Variants in MLPH observed in about 807,000 individuals in gnomAD.
The protein encoded by MLPH is exophilin-3.
A neutral mutation model predicts 72.1 loss-of-function variants in MLPH; 51 were observed. The ratio of observed to expected loss-of-function variants is 0.71; its 90% CI spans 0.56 to 0.89. MLPH has a LOEUF of 0.89. Among genes scored for constraint, MLPH ranks in the 40% least tolerant of loss-of-function variants. MLPH has a pLI of 0.00. For missense variants in MLPH, 743 were observed against 759.9 expected (o/e 0.98, Z 0.26); for synonymous variants, 301 against 310.1 (o/e 0.97, Z 0.31).
rs1453562032 is a variant in MLPH at position 237,554,705 on chromosome 2, A to G, written c.*1113A>G. The G allele has an allele frequency of 6.6e-6, 1 of 152,186 alleles. No homozygotes were observed. Among genetic ancestry groups the G allele is most frequent in the Non-Finnish European group, 1.5e-5 (1 of 68,036 alleles). 9.4% of individuals were successfully genotyped at this position (152,186 alleles called of 1,614,324 possible). The stretch of plus-strand genomic sequence containing the variant: ...CTTCTTTTAGAATCAAACAGTAGAG[A>G]CAAGAGTCAAGCCTTGTGTCTTCAA... On this transcript the variant is annotated 3_prime_UTR_variant, in exon 16 of 16. Coordinates refer to ENST00000264605, the MANE Select transcript of MLPH (RefSeq NM_024101.7).
chr2:237,536,273 T>C (rs772385126), intron 9 of MLPH, among the ~76,000 whole-genome samples: 3 of 152,126 alleles, frequency 2.0e-5, no homozygotes, highest in Non-Finnish European at 4.4e-5. Context: ...CCAGCCCACA[T>C]GCCATGTGTC....
intron 14 of MLPH, 143 bp from the exon 15 acceptor site, chr2:237,552,193 TA>T: frequency 1.5e-6 from 1 of 662,404 alleles, no homozygotes. Context: ...AAATACTTTT[TA>T]AAAAATATGT....
intron 9 of MLPH, among the ~76,000 whole-genome samples, chr2:237,538,424 G>A (rs911307762): frequency 6.6e-6 from 1 of 152,232 alleles, no homozygotes; most frequent in East Asian, 1.9e-4. Flanking sequence ...GGGTTACAGG[G>A]GTGACAAGGT....
chr2:237,553,616 C>A lies in MLPH; in HGVS notation c.*24C>A, dbSNP rs1238118681. ...AACGGGACAGGACAGAGAGACAGAGCAGCCCTGCACTGTTTTCCCTCCACC... is the reference window on the plus strand; with the variant it reads ...AACGGGACAGGACAGAGAGACAGAGAAGCCCTGCACTGTTTTCCCTCCACC... On this transcript the variant is annotated 3_prime_UTR_variant, in exon 16 of 16. Coordinates refer to ENST00000264605, the MANE Select transcript of MLPH (RefSeq NM_024101.7). 1.2e-6 allele frequency: 2 copies of A among 1,614,104 alleles called. No homozygotes were observed. The highest frequency in any genetic ancestry group is 3.3e-5 in the Admixed American group (2 of 60,010).
intron 11 of MLPH, 71 bp from the exon 12 acceptor site, chr2:237,542,496 T>C: frequency 7.8e-7 from 1 of 1,281,226 alleles, no homozygotes; most frequent in South Asian, 1.3e-5. Context: ...AGCTGCTCTT[T>C]CTGTCCATGA....
chr2:237,493,218 GCATAGATTCA>G (rs2079463193), intron 1 of MLPH, among the ~76,000 whole-genome samples, 175 bp from the exon 2 acceptor site: 1 of 152,220 alleles, frequency 6.6e-6, no homozygotes, highest in Non-Finnish European at 1.5e-5. Flanking sequence ...TGGGAATTTT[GCATAGATTCA>G]CTTAAATTCA....
chr2:237,509,720 G>A (rs183077647), intron 2 of MLPH, among the ~76,000 whole-genome samples: 22 of 152,230 alleles, frequency 1.4e-4, no homozygotes, highest in Admixed American at 9.8e-4. Flanking sequence ...GAGGAAAATC[G>A]TGAAGTTCAG....
At chr2:237,490,651 T>C (rs2079411012) in intron 1 of MLPH, among the ~76,000 whole-genome samples, 1 of 152,192 alleles carries the variant, frequency 6.6e-6, no homozygotes, top group Non-Finnish European at 1.5e-5. Flanking sequence ...GAAAATAGAA[T>C]GTCGGTGAAT....
intron 2 of MLPH, among the ~76,000 whole-genome samples, chr2:237,508,869 A>G (rs529321811): frequency 2.0e-5 from 3 of 152,150 alleles, no homozygotes; most frequent in African/African-American, 7.2e-5. Flanking sequence ...CTTATGCCCC[A>G]TTCAGCACAC....
upstream of MLPH, chr2:237,486,810 C>T (rs1444270151): frequency 1.3e-5 from 2 of 152,262 alleles, no homozygotes; most frequent in Non-Finnish European, 2.9e-5. Context: ...TTGCCACTTA[C>T]TGGTCGGTGG....
At chr2:237,492,781 CAT>C (rs1307135616) in intron 1 of MLPH, among the ~76,000 whole-genome samples, 1 of 152,216 alleles carries the variant, frequency 6.6e-6, no homozygotes, top group Non-Finnish European at 1.5e-5. Flanking sequence ...CAAACACACA[CAT>C]GGCAAACCTA....
At chr2:237,552,036 C>A in intron 14 of MLPH, 1 of 310,756 alleles carries the variant, frequency 3.2e-6, no homozygotes, top group Non-Finnish European at 6.0e-6. Flanking sequence ...GCGAAGACCA[C>A]ACACCAGTGC....
At position 237,533,390 on chromosome 2, in the gene MLPH, CTTTTT is replaced by C. The variant is rs746139615; in HGVS notation, c.1021-1156_1021-1152del. 3.7e-5 allele frequency among the ~76,000 whole-genome samples: 4 copies of C among 108,008 alleles called. 1 individual carries two copies. The highest frequency in any genetic ancestry group is 7.3e-5 in the Non-Finnish European group (4 of 55,056). The allele number at this position is 108,008 out of a possible 152,430, so 70.9% of individuals were successfully genotyped here. A position where few individuals can be genotyped will look rare whatever the true frequency, so the allele number is the denominator to read the frequency against. On this transcript the variant is annotated intron_variant, in intron 8 of 15. Coordinates refer to ENST00000264605, the MANE Select transcript of MLPH (RefSeq NM_024101.7). ...GGAAGTCTCTTCTCTATTTTCTTTT[CTTTTT>C]TTTTTTTTTTTTTTTTTGTCAGAGT... is the stretch of plus-strand genomic sequence containing the variant.
intron 2 of MLPH, among the ~76,000 whole-genome samples, chr2:237,502,698 C>T (rs1477631298): frequency 1.3e-5 from 2 of 152,196 alleles, no homozygotes; most frequent in Non-Finnish European, 2.9e-5. Context: ...GGACTGCCAA[C>T]CTGCCCTGGA....
Position 237,524,436 on chromosome 2 carries a change from G to A in MLPH, c.676-1165G>A, listed in dbSNP as rs367564981. On this transcript the variant is annotated intron_variant, in intron 6 of 15. Transcript: ENST00000264605. ...TCCCAAACTGAAGAACTTGGAGTCC[G>A]ATGTTCGAGGGCAGGAAACATCCAG... is the stretch of plus-strand genomic sequence containing the variant. 4.1e-4 allele frequency among the ~76,000 whole-genome samples: 63 copies of A among 151,958 alleles called. No individual in the cohort carries two copies. The South Asian group carries it at 0.012, about 29-fold the overall frequency.
intron 5 of MLPH, among the ~76,000 whole-genome samples, chr2:237,519,087 G>T (rs891594545): frequency 2.7e-5 from 4 of 148,270 alleles, no homozygotes; most frequent in Admixed American, 6.6e-5. Context: ...TGTTTTGTTT[G>T]TTTTTTTTTG....
intron 2 of MLPH, among the ~76,000 whole-genome samples, chr2:237,509,628 C>T (rs563619972): frequency 6.6e-6 from 1 of 152,184 alleles, no homozygotes; most frequent in Non-Finnish European, 1.5e-5. Context: ...ACTGCTTGAC[C>T]CTTTTTCTCT....
chr2:237,499,962 T>C (rs2079612767), intron 2 of MLPH, among the ~76,000 whole-genome samples: 1 of 152,168 alleles, frequency 6.6e-6, no homozygotes. Context: ...TCCAGGCTTG[T>C]CTTGAACTCC....
At position 237,540,913 on chromosome 2, in the gene MLPH, A is replaced by G; in HGVS notation, c.1402A>G (p.Arg468Gly). 4 of 1,611,694 alleles carry G rather than the reference A, an allele frequency of 2.5e-6. No individual in the cohort carries two copies. The highest frequency in any genetic ancestry group is 3.4e-6 in the Non-Finnish European group (4 of 1,179,266). The change falls in exon 11 of 16, where the codon AGA (arginine) becomes GGA (glycine). Residue 468 changes from arginine to glycine, a missense_variant. Coordinates refer to ENST00000264605, the MANE Select transcript of MLPH (RefSeq NM_024101.7). The part of the protein sequence containing the change: ...TDEELSELED[R>G]VAVTASEVQQ... ...TGAGGAGCTGTCAGAGCTGGAGGAC[A>G]GAGTGGCAGTGACGGCCTCAGAAGT... is the stretch of plus-strand genomic sequence containing the variant.
Sources: gnomAD v4.1 joint callset for allele counts (sites outside exome capture counted in the v4.1 genomes callset) on GRCh38, gnomAD v4.1.1 for gene constraint, MANE v1.5 for transcripts, NCBI Gene and HGNC (gene_info 2026-07-23, HGNC 2026-07-21) for gene names.